MRPS6: variants seen among roughly 807,000 people sequenced by gnomAD.
MRPS6 encodes the protein small ribosomal subunit protein bS6m.
MRPS6 carries 6 observed loss-of-function variants against 13.1 expected under a neutral mutation model. That is an observed-to-expected ratio of 0.46 (90% CI 0.25 to 0.91). MRPS6 has a LOEUF of 0.91. MRPS6 is among the 40% of genes least tolerant of loss of function. The pLI, the probability that MRPS6 is intolerant of heterozygous loss-of-function variation, is 0.18. For missense variants in MRPS6, 164 were observed against 155.6 expected, an observed-to-expected ratio of 1.05 and a Z score of -0.29; for synonymous variants, 61 against 56.5, an observed-to-expected ratio of 1.08 and a Z score of -0.36.
chr21:34,081,768 CA>C (rs1989464000), intron 1 of MRPS6, among the ~76,000 whole-genome samples: 1 of 152,150 alleles, frequency 6.6e-6, no homozygotes, highest in Admixed American at 6.6e-5. Flanking sequence ...TGGTCTTAGG[CA>C]AGTCGCTGTG....
intron 2 of MRPS6, among the ~76,000 whole-genome samples, chr21:34,128,410 TGGAAGAAAAGAGTAGGTAAG>T (rs1234230637): frequency 6.6e-6 from 1 of 152,004 alleles, no homozygotes; most frequent in Non-Finnish European, 1.5e-5. Context: ...CCCAGTAGGC[TGGAAGAAAAGAGTAGGTAAG>T]GGAGAGCCTG....
intron 1 of MRPS6, among the ~76,000 whole-genome samples, chr21:34,117,447 C>CT (rs894248648): frequency 4.0e-4 from 61 of 152,276 alleles, no homozygotes; most frequent in African/African-American, 1.5e-3. Context: ...GGCATCATTG[C>CT]TTTTCACATC....
intron 1 of MRPS6, chr21:34,105,893 T>G: frequency 1.0e-6 from 1 of 987,778 alleles, no homozygotes; most frequent in Non-Finnish European, 1.2e-6. Context: ...GTTAAAATCA[T>G]GACAATTCTA....
rs144570438 is a variant in MRPS6, at chr21:34,125,162, A to G, written c.46-179A>G. On this transcript the variant is annotated intron_variant, in intron 1 of 2. Coordinates refer to ENST00000399312, the MANE Select transcript of MRPS6 (RefSeq NM_032476.4). ...TATCTGTGAGCTATCTCATATCCTT[A>G]CAATAAATTCTCTCTCTCTTTTATT... 286 of 985,956 alleles carry G rather than the reference A, an allele frequency of 2.9e-4. No homozygotes were observed. The African/African-American group carries it at 3.4e-3, about 12-fold the overall frequency. 61.1% of individuals were successfully genotyped at this position (985,956 alleles called of 1,614,324 possible). A position where few individuals can be genotyped will look rare whatever the true frequency, so the allele number is the denominator to read the frequency against.
Position 34,142,657 on chromosome 21 carries a change from A to G in MRPS6, c.*57A>G. 6.8e-7 allele frequency: 1 copy of G among 1,478,212 alleles called. No individual in the cohort carries two copies. The highest frequency in any genetic ancestry group is 8.9e-7 in the Non-Finnish European group (1 of 1,119,756). The allele number at this position is 1,478,212 out of a possible 1,614,324, so 91.6% of individuals were successfully genotyped here. ...ATTCCTTCACATTTGGGCAGCATGGACGAGAAGGAAGAATTTGCAAGTTTG... is the reference window on the plus strand; with the variant it reads ...ATTCCTTCACATTTGGGCAGCATGGGCGAGAAGGAAGAATTTGCAAGTTTG... On this transcript the variant is annotated 3_prime_UTR_variant, in exon 3 of 3. Coordinates refer to ENST00000399312, the MANE Select transcript of MRPS6 (RefSeq NM_032476.4).
chr21:34,087,673 C>G (rs570476060), intron 1 of MRPS6, among the ~76,000 whole-genome samples: 190 of 152,162 alleles, frequency 1.2e-3, no homozygotes, highest in Non-Finnish European at 2.4e-3. Context: ...AAAGTGTTGC[C>G]TGCATAGGAA....
intron 1 of MRPS6, among the ~76,000 whole-genome samples, chr21:34,080,616 C>T (rs1217585358): frequency 1.3e-5 from 2 of 152,160 alleles, no homozygotes; most frequent in African/African-American, 2.4e-5. Context: ...CTAATCTTTC[C>T]TTTGGTTGCA....
chr21:34,116,191 T>TGC (rs1477737178), intron 1 of MRPS6, among the ~76,000 whole-genome samples: 1 of 131,568 alleles, frequency 7.6e-6, no homozygotes, highest in Non-Finnish European at 1.5e-5. Context: ...TGTGTGTGTG[T>TGC]GTGTGTGTGT....
chr21:34,094,562 C>T (rs986717312), intron 1 of MRPS6, among the ~76,000 whole-genome samples: 14 of 152,242 alleles, frequency 9.2e-5, no homozygotes, highest in African/African-American at 3.4e-4. Flanking sequence ...GAGCATACCA[C>T]AGTAAGACAA....
At position 34,142,562 on chromosome 21, in the gene MRPS6, G is replaced by A. The variant is rs144194646; in HGVS notation, c.340G>A (p.Ala114Thr). The A allele has an allele frequency of 1.0e-4, 167 of 1,605,754 alleles. No homozygotes were observed. Among genetic ancestry groups the A allele is most frequent in the Middle Eastern group, 3.4e-4 (2 of 5,826 alleles). Residue 114 changes from alanine (A) to threonine (T), a missense_variant, in exon 3 of 3, where the codon GCA becomes ACA. Coordinates refer to ENST00000399312, the MANE Select transcript of MRPS6 (RefSeq NM_032476.4). ...ECEGIVPVPL[A>T]EKLYSTKKRK... is the part of the protein sequence containing the mutation. Reference sequence around the variant, plus strand: ...TGAAGGGATTGTCCCAGTCCCACTCGCAGAAAAATTATATTCCACAAAGAA... The same window carrying A: ...TGAAGGGATTGTCCCAGTCCCACTCACAGAAAAATTATATTCCACAAAGAA...
chr21:34,133,616 G>A (rs1285416544), intron 2 of MRPS6, among the ~76,000 whole-genome samples: 1 of 152,202 alleles, frequency 6.6e-6, no homozygotes, highest in East Asian at 1.9e-4. Flanking sequence ...GGACTCTCTG[G>A]AGGGAGGGGC....
At chr21:34,086,517 T>TTGTGTG (rs34988334) in intron 1 of MRPS6, among the ~76,000 whole-genome samples, 382 of 148,382 alleles carry the variant, frequency 2.6e-3, no homozygotes, top group African/African-American at 7.2e-3. Flanking sequence ...TAGTTTGTGT[T>TTGTGTG]TGTGTGTGTG....
chr21:34,103,568 A>G, intron 1 of MRPS6: 1 of 1,000,238 alleles, frequency 1.0e-6, no homozygotes, highest in African/African-American at 1.7e-5. Context: ...AAGTCCATAG[A>G]AAGCACAAAA....
intron 1 of MRPS6, chr21:34,100,172 T>A: frequency 2.0e-6 from 2 of 1,000,196 alleles, no homozygotes; most frequent in Non-Finnish European, 2.4e-6. Flanking sequence ...ACACTGGTCT[T>A]GGAAGGTAGA....
At chr21:34,135,581 T>C in intron 2 of MRPS6, 1 of 435,016 alleles carries the variant, frequency 2.3e-6, no homozygotes, top group South Asian at 1.8e-5. Flanking sequence ...AGAGTGCCTG[T>C]GCACAGCAAC....
At chr21:34,101,484 T>C in intron 1 of MRPS6, 1 of 1,000,144 alleles carries the variant, frequency 1.0e-6, no homozygotes, top group Non-Finnish European at 1.2e-6. Flanking sequence ...GATAATAGCC[T>C]GAGCAGACTT....
intron 1 of MRPS6, among the ~76,000 whole-genome samples, chr21:34,115,692 T>G (rs1979871918): frequency 6.6e-6 from 1 of 152,148 alleles, no homozygotes; most frequent in Admixed American, 6.5e-5. Context: ...CAAATTATGG[T>G]ATCTGTGGCA....
At chr21:34,102,413 G>A (rs1979281802) in intron 1 of MRPS6, 1 of 999,712 alleles carries the variant, frequency 1.0e-6, no homozygotes, top group Non-Finnish European at 1.2e-6. Flanking sequence ...TATAAAAAGA[G>A]GGATTAGTTT....
chr21:34,128,701 C>T (rs535415583), intron 2 of MRPS6, among the ~76,000 whole-genome samples: 28 of 152,328 alleles, frequency 1.8e-4, no homozygotes, highest in Non-Finnish European at 3.4e-4. Context: ...AGTTCCCAGA[C>T]TAGTCCACAG....
Sources: allele counts gnomAD v4.1 joint callset (sites outside exome capture counted in the v4.1 genomes callset), GRCh38; gene constraint gnomAD v4.1.1; transcripts MANE v1.5; gene names NCBI Gene and HGNC (gene_info 2026-07-23, HGNC 2026-07-21).